Variants in AKAP6 observed in about 807,000 individuals in gnomAD.
AKAP6 encodes the protein A-kinase anchoring protein 6.
AKAP6 carries 58 observed loss-of-function variants against 188.5 expected under a neutral mutation model. The ratio of observed to expected loss-of-function variants is 0.31; its 90% CI spans 0.25 to 0.38. The LOEUF (loss-of-function observed/expected upper bound fraction) is 0.38, where lower values mean the gene tolerates loss of function less well. Ranked by LOEUF, AKAP6 falls within the 10% of genes least tolerant of loss-of-function variation. The pLI, the probability that AKAP6 is intolerant of heterozygous loss-of-function variation, is 1.00. For missense variants in AKAP6, 2,710 were observed against 2,740.0 expected (o/e 0.99, Z 0.24); for synonymous variants, 989 against 998.6 (o/e 0.99, Z 0.18).
chr14:32,737,348 G>C (rs1307675561), intron 11 of AKAP6, among the ~76,000 whole-genome samples: 1 of 152,108 alleles, frequency 6.6e-6, no homozygotes, highest in African/African-American at 2.4e-5. Flanking sequence ...TACTCTTAGT[G>C]TTTGGTATAT....
intron 2 of AKAP6, among the ~76,000 whole-genome samples, chr14:32,451,882 C>T (rs1048541733): frequency 2.6e-5 from 4 of 151,972 alleles, no homozygotes; most frequent in African/African-American, 9.7e-5. Context: ...TTGGATAGTG[C>T]TGATTGATGT....
At chr14:32,678,761 T>C (rs1454935648) in intron 8 of AKAP6, among the ~76,000 whole-genome samples, 1 of 152,236 alleles carries the variant, frequency 6.6e-6, no homozygotes, top group East Asian at 1.9e-4. Flanking sequence ...TCTTTATAAA[T>C]TTTTTCCTTG....
At chr14:32,399,629 G>A (rs759923791) in intron 1 of AKAP6, among the ~76,000 whole-genome samples, 1 of 151,992 alleles carries the variant, frequency 6.6e-6, no homozygotes, top group Non-Finnish European at 1.5e-5. Context: ...GCTTCCTCAG[G>A]TTCTCTGACA....
chr14:32,428,753 A>G (rs1890119394), intron 1 of AKAP6, among the ~76,000 whole-genome samples: 1 of 152,234 alleles, frequency 6.6e-6, no homozygotes, highest in Non-Finnish European at 1.5e-5. Flanking sequence ...GCATTCTGCT[A>G]GCGTCAAGCT....
intron 10 of AKAP6, chr14:32,734,426 C>G (rs147551690): frequency 4.3e-4 from 65 of 152,204 alleles, no homozygotes; most frequent in African/African-American, 1.3e-3. Context: ...GCATATTAAA[C>G]AACCCTATCA....
chr14:32,648,413 GAGCACATAGGAGGGTATTCCTCTTGGTA>G (rs1246574503), intron 7 of AKAP6, among the ~76,000 whole-genome samples: 1 of 152,050 alleles, frequency 6.6e-6, no homozygotes, highest in East Asian at 1.9e-4. Flanking sequence ...CCTTTTTGGT[GAGCACATAGGAGGGTATTCCTCTTGGTA>G]AGCACCTTAA....
intron 11 of AKAP6, among the ~76,000 whole-genome samples, chr14:32,754,841 G>T (rs1020288137): frequency 6.6e-6 from 1 of 152,066 alleles, no homozygotes; most frequent in Non-Finnish European, 1.5e-5. Flanking sequence ...TTCCTGCCCC[G>T]CAAAGTTTCT....
At chr14:32,668,573 A>T (rs1198989943) in intron 7 of AKAP6, among the ~76,000 whole-genome samples, 1 of 152,184 alleles carries the variant, frequency 6.6e-6, no homozygotes, top group East Asian at 1.9e-4. Context: ...AATGTTTCTA[A>T]TAATTTGCAA....
At chr14:32,604,268 G>A (rs535421223) in intron 7 of AKAP6, among the ~76,000 whole-genome samples, 5 of 152,168 alleles carry the variant, frequency 3.3e-5, no homozygotes, top group African/African-American at 9.6e-5. Context: ...GTAGGTATCC[G>A]CAGATGCAGA....
At chr14:32,511,692 T>C (rs1279910644) in intron 2 of AKAP6, among the ~76,000 whole-genome samples, 1 of 152,176 alleles carries the variant, frequency 6.6e-6, no homozygotes, top group Non-Finnish European at 1.5e-5. Context: ...ATATATTTAG[T>C]TCCCCATACC....
intron 2 of AKAP6, among the ~76,000 whole-genome samples, chr14:32,465,367 C>T (rs976861650): frequency 1.6e-5 from 2 of 121,642 alleles, no homozygotes; most frequent in Non-Finnish European, 3.1e-5. Flanking sequence ...ACCAAAACAG[C>T]GTGGTACTGG....
intron 2 of AKAP6, among the ~76,000 whole-genome samples, chr14:32,479,915 T>C (rs1879253283): frequency 6.6e-6 from 1 of 152,216 alleles, no homozygotes. Context: ...ACCCAGTTTA[T>C]GGTATTTTAT....
intron 4 of AKAP6, among the ~76,000 whole-genome samples, chr14:32,562,529 A>C (rs1195763913): frequency 6.6e-6 from 1 of 152,204 alleles, no homozygotes; most frequent in African/African-American, 2.4e-5. Flanking sequence ...AAGCTGAGGC[A>C]TGTGGATCAC....
At chr14:32,614,170 C>T (rs1199306601) in intron 7 of AKAP6, among the ~76,000 whole-genome samples, 1 of 152,112 alleles carries the variant, frequency 6.6e-6, no homozygotes, top group Non-Finnish European at 1.5e-5. Flanking sequence ...AAGTGTTCTT[C>T]CTTGTTATTA....
intron 7 of AKAP6, among the ~76,000 whole-genome samples, chr14:32,662,294 C>G (rs1325587544): frequency 1.3e-5 from 2 of 152,056 alleles, no homozygotes; most frequent in Non-Finnish European, 2.9e-5. Context: ...AAATACACTT[C>G]TCTCTTAGGA....
chr14:32,661,027 CTA>C (rs1237377030), intron 7 of AKAP6, among the ~76,000 whole-genome samples: 1 of 143,756 alleles, frequency 7.0e-6, no homozygotes, highest in Non-Finnish European at 1.5e-5. Flanking sequence ...CATGACCTCT[CTA>C]TCTTTCAAGA....
chr14:32,378,020 T>A (rs904090293), intron 1 of AKAP6, among the ~76,000 whole-genome samples: 1 of 152,080 alleles, frequency 6.6e-6, no homozygotes, highest in African/African-American at 2.4e-5. Flanking sequence ...TTATTTGCAT[T>A]TGGGGAGAGA....
rs373194292 is a variant in AKAP6, at chr14:32,524,805, A to G, written c.325-10749A>G. ...CCCACTTCAGCATCAGTCAGCCTAG[A>G]CAGATGACCCATTTCTGGCTCCGTG... On this transcript the variant is annotated intron_variant, in intron 2 of 13. Coordinates refer to ENST00000280979, the MANE Select transcript of AKAP6 (RefSeq NM_004274.5). Among the ~76,000 whole-genome samples the G allele has an allele frequency of 1.6e-4, 24 of 152,292 alleles. No individual in the cohort carries two copies. In the South Asian group the frequency reaches 4.8e-3, roughly 30 times the overall value.
chr14:32,545,112 C>A, intron 3 of AKAP6, 118 bp from the exon 4 acceptor site: 2 of 914,634 alleles, frequency 2.2e-6, no homozygotes, highest in Admixed American at 2.3e-5. Context: ...AAACCACAAG[C>A]AATAGGGACC....
Sources: allele counts gnomAD v4.1 joint callset (sites outside exome capture counted in the v4.1 genomes callset), GRCh38; gene constraint gnomAD v4.1.1; transcripts MANE v1.5; gene names NCBI Gene and HGNC (gene_info 2026-07-23, HGNC 2026-07-21).